Variants in BBOF1 observed in about 807,000 individuals in gnomAD.
BBOF1 encodes basal body orientation factor 1.
A neutral mutation model predicts 68.0 loss-of-function variants in BBOF1; 62 were observed. The observed-to-expected ratio is 0.91, with a 90% CI of 0.74 to 1.13. The LOEUF (loss-of-function observed/expected upper bound fraction) is 1.13, where lower values mean the gene tolerates loss of function less well. BBOF1 is among the 50% of genes most tolerant of loss of function. The pLI is 0.00. For synonymous variants in BBOF1, 208 were observed against 198.8 expected, an observed-to-expected ratio of 1.05 and a Z score of -0.39; for missense variants, 534 against 600.1, an observed-to-expected ratio of 0.89 and a Z score of 1.15.
In BBOF1 at chr14:74,043,724, G is replaced by C. The variant is rs935590588; in HGVS notation, c.577-2336G>C. 6.0e-5 allele frequency among the ~76,000 whole-genome samples: 9 copies of C among 150,504 alleles called. No homozygotes were observed. The East Asian group carries it at 1.7e-3, about 28-fold the overall frequency. On this transcript the variant is annotated intron_variant, in intron 5 of 11. Coordinates refer to ENST00000394009, the MANE Select transcript of BBOF1 (RefSeq NM_025057.3). ...ATTTTTGTATTTTTAGTAGAGACAG[G>C]GTTTCACCATGTTGACCAGGCTGGT... is the stretch of plus-strand genomic sequence containing the variant.
chr14:74,029,575 G>C (rs911434100), intron 3 of BBOF1, among the ~76,000 whole-genome samples: 7 of 151,840 alleles, frequency 4.6e-5, no homozygotes, highest in Admixed American at 4.6e-4. Flanking sequence ...CCAGCTACTC[G>C]GGAGGCTGAG....
chr14:74,072,537 T>G (rs1470652837), intron 9 of BBOF1: 1 of 1,614,174 alleles, frequency 6.2e-7, no homozygotes, highest in Admixed American at 1.7e-5. Flanking sequence ...CTTCGCTTAC[T>G]GGGTTGTGGA....
intron 10 of BBOF1, among the ~76,000 whole-genome samples, chr14:74,078,691 C>A (rs1234456332): frequency 2.6e-5 from 4 of 151,820 alleles, no homozygotes. Flanking sequence ...CCACATCCAG[C>A]TAATTTTTTG....
chr14:74,068,388 GA>G (rs3082879), downstream of BBOF1, among the ~76,000 whole-genome samples: 8 of 150,726 alleles, frequency 5.3e-5, no homozygotes, highest in Admixed American at 4.6e-4. Flanking sequence ...CAAAAAAAAA[GA>G]AAAAAAGTGA....
At position 74,065,199 on chromosome 14, in the gene BBOF1, G is replaced by C. The variant is rs2060440865; in HGVS notation, c.*500G>C. 1.2e-6 allele frequency: 2 copies of C among 1,614,014 alleles called. No individual in the cohort carries two copies. Among genetic ancestry groups the C allele is most frequent in the South Asian group, 2.2e-5 (2 of 91,088 alleles). The stretch of plus-strand genomic sequence containing the variant: ...CACGAACCTGTCCAACATCCACCAA[G>C]TGGGCATATTTCCGAGCAGTGGCTC... On this transcript the variant is annotated 3_prime_UTR_variant, in exon 12 of 12. Transcript: ENST00000394009.
intron 11 of BBOF1, chr14:74,060,852 T>C: frequency 2.5e-6 from 2 of 792,100 alleles, no homozygotes; most frequent in Admixed American, 4.0e-5. Flanking sequence ...ACTTTCCTAA[T>C]TGAGAAATGC....
intron 2 of BBOF1, among the ~76,000 whole-genome samples, chr14:74,026,741 A>G (rs995954142): frequency 3.9e-5 from 6 of 151,938 alleles, no homozygotes; most frequent in Non-Finnish European, 8.8e-5. Flanking sequence ...ACTGGCCAAC[A>G]TGGCAGAACC....
intron 3 of BBOF1, 144 bp downstream of exon 3, chr14:74,029,393 A>G (rs1595021225): frequency 1.8e-6 from 1 of 547,796 alleles, no homozygotes; most frequent in Non-Finnish European, 3.3e-6. Flanking sequence ...TAGAAATTCA[A>G]AAAACCAGGC....
At chr14:74,068,553 A>G (rs2060504885), downstream of BBOF1, among the ~76,000 whole-genome samples, 2 of 152,068 alleles carry the variant, frequency 1.3e-5, no homozygotes, top group Non-Finnish European at 2.9e-5. Context: ...ATCCTGGCCA[A>G]CATGGTGAAA....
rs1595029589 is a variant in BBOF1 at position 74,032,163 on chromosome 14, G to A, written c.352-1865G>A. Among the ~76,000 whole-genome samples, 3 of 108,186 alleles carry A rather than the reference G, an allele frequency of 2.8e-5. No individual in the cohort carries two copies. In the South Asian group the frequency reaches 9.3e-4, roughly 33 times the overall value. 71.0% of individuals were successfully genotyped at this position (108,186 alleles called of 152,430 possible). A position where few individuals can be genotyped will look rare whatever the true frequency, so the allele number is the denominator to read the frequency against. On this transcript the variant is annotated intron_variant, in intron 3 of 11. Transcript: ENST00000394009. ...TTTTTTGAGACAGAGTCTCGCTCTT[G>A]TCTCCCAGGCTGGAGTGCAGTGGCA... is the stretch of plus-strand genomic sequence containing the variant.
intron 12 of BBOF1, among the ~76,000 whole-genome samples, chr14:74,081,426 T>C (rs1157381265): frequency 6.6e-6 from 1 of 152,224 alleles, no homozygotes; most frequent in African/African-American, 2.4e-5. Context: ...ATTTTTTCAC[T>C]TGTATACAGC....
intron 1 of BBOF1, among the ~76,000 whole-genome samples, chr14:74,022,251 A>G (rs967085476): frequency 1.3e-5 from 2 of 152,098 alleles, no homozygotes; most frequent in African/African-American, 4.8e-5. Flanking sequence ...AAGTAAATGA[A>G]AAGGTATAAA....
intron 8 of BBOF1, among the ~76,000 whole-genome samples, chr14:74,051,438 A>G (rs538052343): frequency 1.1e-4 from 16 of 151,540 alleles, no homozygotes; most frequent in African/African-American, 3.4e-4. Context: ...CAAAAAACCA[A>G]AACAATTATT....
In BBOF1 at chr14:74,065,662, A is replaced by G. The variant is rs1463153225; in HGVS notation, c.*963A>G. ...CTGCCTTTTTAATACCTGAACGACT[A>G]GTTTCATCCAATTGTTATCAAAAAG... On this transcript the variant is annotated 3_prime_UTR_variant, in exon 12 of 12. Transcript: ENST00000394009. 3.0e-6 allele frequency: 1 copy of G among 331,010 alleles called. No homozygotes were observed. 20.5% of individuals were successfully genotyped at this position (331,010 alleles called of 1,614,324 possible).
chr14:74,026,374 G>A (rs1053742315), intron 2 of BBOF1, among the ~76,000 whole-genome samples: 7 of 146,828 alleles, frequency 4.8e-5, no homozygotes, highest in African/African-American at 7.6e-5. Context: ...CACAGGAGGC[G>A]GAGGTTGCAG....
intron 9 of BBOF1, chr14:74,078,051 A>G (rs1325877263): frequency 2.7e-6 from 1 of 373,254 alleles, no homozygotes; most frequent in Non-Finnish European, 5.3e-6. Context: ...CAGCTTGGGG[A>G]ACATAACGAG....
downstream of BBOF1, among the ~76,000 whole-genome samples, chr14:74,070,529 A>C (rs2060535122): frequency 6.6e-6 from 1 of 152,194 alleles, no homozygotes; most frequent in Non-Finnish European, 1.5e-5. Flanking sequence ...AAAAAAAAGA[A>C]TAACAATATT....
intron 1 of BBOF1, among the ~76,000 whole-genome samples, chr14:74,020,782 C>T (rs2059267598): frequency 6.6e-6 from 1 of 152,120 alleles, no homozygotes; most frequent in African/African-American, 2.4e-5. Context: ...GGGATGACAG[C>T]CGTGAGCCAC....
At chr14:74,071,101 A>C in intron 9 of BBOF1, 1 of 1,202,106 alleles carries the variant, frequency 8.3e-7, no homozygotes, top group Non-Finnish European at 1.2e-6. Context: ...TCCTCCTTAC[A>C]AGTAGGTTCC....
Sources: allele counts gnomAD v4.1 joint callset (sites outside exome capture counted in the v4.1 genomes callset), GRCh38; gene constraint gnomAD v4.1.1; transcripts MANE v1.5; gene names NCBI Gene and HGNC (gene_info 2026-07-23, HGNC 2026-07-21).